The following FGF12 variants were observed in gnomAD, a reference collection of about 807,000 sequenced individuals.
FGF12 encodes fibroblast growth factor 12B.
Under a neutral mutation model 23.6 loss-of-function variants are expected in FGF12, and 14 were observed. That is an observed-to-expected ratio of 0.59 (90% CI 0.39 to 0.93). The LOEUF is 0.93. Ranked by LOEUF, FGF12 falls within the 40% of genes least tolerant of loss-of-function variation. The pLI is 0.00. For missense variants in FGF12, 175 were observed against 217.8 expected (o/e 0.80, Z 1.24); for synonymous variants, 62 against 77.3 (o/e 0.80, Z 1.04).
chr3:192,534,735 C>A (rs1223084653), intron 2 of FGF12, among the ~76,000 whole-genome samples: 1 of 152,054 alleles, frequency 6.6e-6, no homozygotes, highest in African/African-American at 2.4e-5. Flanking sequence ...CTTTGCAGTG[C>A]TCTTTGTAGA....
chr3:192,549,258 G>A (rs1443988107), intron 2 of FGF12, among the ~76,000 whole-genome samples: 2 of 152,100 alleles, frequency 1.3e-5, no homozygotes, highest in Admixed American at 6.6e-5. Context: ...AACCCTAAAC[G>A]ATGGCAAATG....
chr3:192,305,679 A>ATAT (rs1553794685), intron 4 of FGF12, among the ~76,000 whole-genome samples: 6,430 of 131,656 alleles, frequency 0.049, 210 homozygotes, highest in East Asian at 0.16. Context: ...AAAAAAAAAA[A>ATAT]ATATATATAT....
intron 2 of FGF12, among the ~76,000 whole-genome samples, chr3:192,437,333 G>T (rs925497491): frequency 6.6e-6 from 1 of 152,132 alleles, no homozygotes; most frequent in African/African-American, 2.4e-5. Context: ...TTTGTGTAGA[G>T]AACTAGTTGA....
In FGF12 at chr3:192,521,877, G is replaced by T. The variant is rs1724822057; in HGVS notation, c.14-161339C>A. Among the ~76,000 whole-genome samples the T allele has an allele frequency of 2.0e-5, 3 of 152,144 alleles. No individual in the cohort carries two copies. The South Asian group carries it at 6.2e-4, about 32-fold the overall frequency. On this transcript the variant is annotated intron_variant, in intron 2 of 5. Coordinates refer to ENST00000445105, the MANE Select transcript of FGF12 (RefSeq NM_004113.6). ...GTTCATGTTCATATCTTTTATGTTTGTATATCTTGGTACCTAGAATATGTA... is the reference window on the plus strand; with the variant it reads ...GTTCATGTTCATATCTTTTATGTTTTTATATCTTGGTACCTAGAATATGTA...
intron 4 of FGF12, among the ~76,000 whole-genome samples, chr3:192,178,530 G>A (rs369804069): frequency 1.5e-4 from 23 of 151,710 alleles, no homozygotes; most frequent in East Asian, 5.8e-4. Flanking sequence ...AGGGAGTCTC[G>A]CTCTGTCACC....
intron 4 of FGF12, among the ~76,000 whole-genome samples, chr3:192,251,927 C>T (rs1383066533): frequency 6.6e-6 from 1 of 152,132 alleles, no homozygotes; most frequent in Non-Finnish European, 1.5e-5. Flanking sequence ...GAGCTTTACA[C>T]ATTAGATTTG....
At chr3:192,456,207 G>A (rs541860284) in intron 2 of FGF12, among the ~76,000 whole-genome samples, 41 of 151,762 alleles carry the variant, frequency 2.7e-4, no homozygotes, top group South Asian at 2.1e-4. Context: ...TCTAAAATTC[G>A]AAATGTATTG....
At chr3:192,248,734 T>C (rs796255814) in intron 4 of FGF12, among the ~76,000 whole-genome samples, 3 of 152,136 alleles carry the variant, frequency 2.0e-5, no homozygotes, top group East Asian at 3.9e-4. Context: ...GAGCGGTGAT[T>C]ACACTACTGC....
chr3:192,445,727 T>C (rs866435872), intron 2 of FGF12, among the ~76,000 whole-genome samples: 14 of 152,088 alleles, frequency 9.2e-5, no homozygotes, highest in South Asian at 4.1e-4. Context: ...CATCCCAAAC[T>C]CTTATGAGTT....
intron 5 of FGF12, among the ~76,000 whole-genome samples, chr3:192,162,263 C>T (rs575839733): frequency 6.6e-6 from 1 of 152,170 alleles, no homozygotes; most frequent in East Asian, 1.9e-4. Flanking sequence ...TTTTGGAACT[C>T]TGGGAGAATT....
intron 2 of FGF12, among the ~76,000 whole-genome samples, chr3:192,621,069 C>A (rs1714958228): frequency 6.6e-6 from 1 of 152,120 alleles, no homozygotes; most frequent in Non-Finnish European, 1.5e-5. Flanking sequence ...TCCCCTCAAC[C>A]TTACATTCTC....
intron 2 of FGF12, among the ~76,000 whole-genome samples, chr3:192,635,754 A>G (rs1012142049): frequency 1.2e-4 from 18 of 152,108 alleles, no homozygotes; most frequent in Non-Finnish European, 2.1e-4. Flanking sequence ...GTAGAGGTCC[A>G]TCCTTTTAGT....
intron 2 of FGF12, among the ~76,000 whole-genome samples, chr3:192,571,522 C>G (rs1712634786): frequency 6.6e-6 from 1 of 152,184 alleles, no homozygotes; most frequent in Non-Finnish European, 1.5e-5. Flanking sequence ...ACCCACTGCC[C>G]GGGTCCAGAC....
chr3:192,506,283 GC>G (rs1430331782), intron 2 of FGF12, among the ~76,000 whole-genome samples: 1 of 152,240 alleles, frequency 6.6e-6, no homozygotes, highest in Non-Finnish European at 1.5e-5. Flanking sequence ...TTATCTCAAA[GC>G]CAGTGCCTGT....
chr3:192,587,051 A>G (rs1713404109), intron 2 of FGF12, among the ~76,000 whole-genome samples: 1 of 152,182 alleles, frequency 6.6e-6, no homozygotes, highest in Admixed American at 6.5e-5. Context: ...GAATATATAT[A>G]TATAAAAGCT....
At chr3:192,718,246 T>C (rs1362344621) in intron 2 of FGF12, among the ~76,000 whole-genome samples, 1 of 148,520 alleles carries the variant, frequency 6.7e-6, no homozygotes, top group Non-Finnish European at 1.5e-5. Context: ...CAAATCAACT[T>C]CACATATGAC....
At chr3:192,421,440 T>C (rs199523002) in intron 2 of FGF12, among the ~76,000 whole-genome samples, 11 of 135,770 alleles carry the variant, frequency 8.1e-5, no homozygotes, top group African/African-American at 3.0e-4. Context: ...AAAAAAAAAA[T>C]GGCTTTAGTA....
intron 4 of FGF12, among the ~76,000 whole-genome samples, chr3:192,281,223 A>G (rs1714123324): frequency 6.6e-6 from 1 of 152,180 alleles, no homozygotes; most frequent in South Asian, 2.1e-4. Flanking sequence ...TCTAGGGAAG[A>G]ATCCTAGTTT....
chr3:192,419,339 G>A (rs553271061), intron 2 of FGF12, among the ~76,000 whole-genome samples: 1 of 152,286 alleles, frequency 6.6e-6, no homozygotes, highest in Non-Finnish European at 1.5e-5. Flanking sequence ...TAGAGCTGGG[G>A]AAAGAGAAAC....
Sources: gnomAD v4.1 joint callset for allele counts (sites outside exome capture counted in the v4.1 genomes callset) on GRCh38, gnomAD v4.1.1 for gene constraint, MANE v1.5 for transcripts, NCBI Gene and HGNC (gene_info 2026-07-23, HGNC 2026-07-21) for gene names.